Variants in PDE8B observed in about 807,000 individuals in gnomAD.
PDE8B encodes high affinity cAMP-specific and IBMX-insensitive 3',5'-cyclic phosphodiesterase 8B.
In PDE8B, 26 loss-of-function variants were observed where a neutral mutation model predicts 101.3. The ratio of observed to expected loss-of-function variants is 0.26; its 90% CI spans 0.19 to 0.36. The LOEUF is 0.36. Among genes scored for constraint, PDE8B ranks in the 10% least tolerant of loss-of-function variants. The probability of loss-of-function intolerance (pLI) is 1.00; values close to 1 mark genes in which losing one functional copy is unlikely to be tolerated. For synonymous variants in PDE8B, 424 were observed against 429.3 expected (o/e 0.99, Z 0.15); for missense variants, 810 against 1,163.1 (o/e 0.70, Z 4.42).
intron 8 of PDE8B, 106 bp downstream of exon 8, chr5:77,349,665 A>T: frequency 1.6e-6 from 2 of 1,253,094 alleles, no homozygotes; most frequent in Non-Finnish European, 1.2e-6. Context: ...ATAATGTCAT[A>T]ATTAAGTGAA....
At chr5:77,363,738 C>T (rs1459155632) in intron 10 of PDE8B, among the ~76,000 whole-genome samples, 1 of 150,630 alleles carries the variant, frequency 6.6e-6, no homozygotes, top group East Asian at 2.0e-4. Flanking sequence ...AAGAATATGT[C>T]ATTGTAGGGA....
At chr5:77,178,598 G>A in the PDE8B span, among the ~76,000 whole-genome samples, 2 of 152,044 alleles carry the variant, frequency 1.3e-5, no homozygotes, top group South Asian at 2.1e-4. Context: ...AAGTATATTC[G>A]TTTGCTATTG....
chr5:77,274,606 T>G (rs913306959), intron 1 of PDE8B, among the ~76,000 whole-genome samples: 2 of 152,198 alleles, frequency 1.3e-5, no homozygotes, highest in Non-Finnish European at 2.9e-5. Flanking sequence ...AGATTTCCAA[T>G]TAAGTATAAA....
intron 1 of PDE8B, among the ~76,000 whole-genome samples, chr5:77,300,637 G>C (rs919030585): frequency 6.6e-6 from 1 of 152,222 alleles, no homozygotes. Flanking sequence ...TGGCCCCAGA[G>C]GGTCAAGGTG....
intron 1 of PDE8B, among the ~76,000 whole-genome samples, chr5:77,284,212 A>G (rs1386762072): frequency 6.6e-6 from 1 of 152,062 alleles, no homozygotes; most frequent in Non-Finnish European, 1.5e-5. Context: ...GTTCTTTGTG[A>G]ATTTTGGTTA....
the PDE8B span, among the ~76,000 whole-genome samples, chr5:77,183,098 A>G: frequency 7.4e-6 from 1 of 135,118 alleles, no homozygotes; most frequent in Non-Finnish European, 1.5e-5. Flanking sequence ...CCTTCTGAAG[A>G]TGTGCTATTA....
At chr5:77,288,953 T>C (rs778669009) in intron 1 of PDE8B, among the ~76,000 whole-genome samples, 2 of 151,916 alleles carry the variant, frequency 1.3e-5, no homozygotes, top group Admixed American at 6.6e-5. Context: ...TTGTAGAAAA[T>C]TGTCCTTGAT....
the PDE8B span, among the ~76,000 whole-genome samples, chr5:77,127,656 G>T: frequency 6.6e-6 from 1 of 152,088 alleles, no homozygotes; most frequent in African/African-American, 2.4e-5. Flanking sequence ...GTTAATTGGA[G>T]ATGGAAGGAG....
chr5:77,101,205 A>T, the PDE8B span, among the ~76,000 whole-genome samples: 1 of 150,856 alleles, frequency 6.6e-6, no homozygotes, highest in Non-Finnish European at 1.5e-5. Flanking sequence ...TCCTGGGCTC[A>T]AGCTATCCTC....
Position 77,353,387 on chromosome 5 carries a change from C to T in PDE8B, c.1148C>T (p.Thr383Ile). The change falls in exon 10 of 22, where the codon ACC becomes ATC. Residue 383 changes from threonine to isoleucine, a missense_variant. Transcript: ENST00000264917. ...HFVSLKKLCC[T>I]TDNNKQIHKI... is the part of the protein sequence containing the mutation. ...GTCTCGCTCAAGAAACTGTGTTGTA[C>T]CACTGACAATAATAAGCAGGTATGG... 1 of 1,601,612 alleles carries T rather than the reference C, an allele frequency of 6.2e-7. No individual in the cohort carries two copies. The highest frequency in any genetic ancestry group is 8.6e-7 in the Non-Finnish European group (1 of 1,168,644).
chr5:77,153,345 AG>A, the PDE8B span, among the ~76,000 whole-genome samples: 2 of 152,246 alleles, frequency 1.3e-5, no homozygotes, highest in Non-Finnish European at 2.9e-5. Context: ...TTGTGATAAC[AG>A]TCTTGGCATA....
chr5:77,362,871 C>T (rs1279943484), intron 10 of PDE8B, among the ~76,000 whole-genome samples: 1 of 152,188 alleles, frequency 6.6e-6, no homozygotes, highest in East Asian at 1.9e-4. Flanking sequence ...TGTGACTGCC[C>T]CCGGCCACCT....
the PDE8B span, among the ~76,000 whole-genome samples, chr5:77,181,034 C>T: frequency 6.6e-6 from 1 of 151,862 alleles, no homozygotes; most frequent in Non-Finnish European, 1.5e-5. Context: ...AGCTCCAGCG[C>T]TCGGGACTCT....
intron 17 of PDE8B, among the ~76,000 whole-genome samples, chr5:77,415,887 A>G (rs1165102302): frequency 6.6e-6 from 1 of 152,254 alleles, no homozygotes; most frequent in Non-Finnish European, 1.5e-5. Context: ...TTTGAAAGAC[A>G]GATCTAGAAT....
At chr5:77,094,270 G>A in the PDE8B span, among the ~76,000 whole-genome samples, 9 of 152,260 alleles carry the variant, frequency 5.9e-5, no homozygotes, top group African/African-American at 1.7e-4. Context: ...CCATGTCAAT[G>A]CAGTCTTTCT....
chr5:77,247,542 T>G (rs113906161), intron 1 of PDE8B, among the ~76,000 whole-genome samples: 1 of 152,190 alleles, frequency 6.6e-6, no homozygotes, highest in African/African-American at 2.4e-5. Flanking sequence ...GCCTGGCTGC[T>G]CTGCATGTTC....
chr5:77,412,011 CTAG>C (rs1561674434), intron 15 of PDE8B, 86 bp from the exon 16 acceptor site: 6 of 1,348,020 alleles, frequency 4.5e-6, no homozygotes, highest in Non-Finnish European at 6.3e-6. Flanking sequence ...GACTTTTTTT[CTAG>C]TAGTAACTAT....
At chr5:77,409,088 G>A in intron 14 of PDE8B, 31 bp downstream of exon 14, 1 of 1,605,058 alleles carries the variant, frequency 6.2e-7, no homozygotes, top group Non-Finnish European at 8.5e-7. Flanking sequence ...TGAAAAGCAA[G>A]AGAGGTATCC....
intron 5 of PDE8B, among the ~76,000 whole-genome samples, chr5:77,336,253 G>A (rs1778167740): frequency 6.6e-6 from 1 of 152,068 alleles, no homozygotes; most frequent in Non-Finnish European, 1.5e-5. Flanking sequence ...ACAATTCAGT[G>A]ACACTTAGCA....
Sources: gnomAD v4.1 joint callset for allele counts (sites outside exome capture counted in the v4.1 genomes callset) on GRCh38, gnomAD v4.1.1 for gene constraint, MANE v1.5 for transcripts, NCBI Gene and HGNC (gene_info 2026-07-23, HGNC 2026-07-21) for gene names.